Variants in DACH2 observed in about 807,000 individuals in gnomAD.
DACH2 encodes dachshund homolog 2.
A neutral mutation model predicts 35.8 loss-of-function variants in DACH2; 17 were observed. The ratio of observed to expected loss-of-function variants is 0.48; its 90% CI spans 0.33 to 0.71. DACH2 has a LOEUF of 0.71. DACH2 is among the 30% of genes least tolerant of loss of function. DACH2 has a pLI of 0.02. For missense variants in DACH2, 469 were observed against 472.7 expected (o/e 0.99, Z 0.07); for synonymous variants, 195 against 177.3 (o/e 1.10, Z -0.79).
At chrX:86,329,388 T>G (rs925567540) in intron 1 of DACH2, among the ~76,000 whole-genome samples, 1 of 111,002 alleles carries the variant, frequency 9.0e-6, no homozygotes, top group South Asian at 3.8e-4. Flanking sequence ...CTTAACAGCA[T>G]GTAAACAAAG....
At chrX:86,361,205 C>T (rs1224212646) in intron 1 of DACH2, among the ~76,000 whole-genome samples, 2 of 111,141 alleles carry the variant, frequency 1.8e-5, no homozygotes, top group Non-Finnish European at 3.8e-5. Flanking sequence ...AGACCTACTG[C>T]TTATCTTTGT....
intron 2 of DACH2, among the ~76,000 whole-genome samples, chrX:86,397,476 A>C (rs1403527829): frequency 9.0e-6 from 1 of 111,017 alleles, no homozygotes; most frequent in African/African-American, 3.3e-5. Context: ...GCCAGTTTTC[A>C]AAGGGAATGC....
At chrX:86,562,181 T>C (rs1477172377) in intron 3 of DACH2, among the ~76,000 whole-genome samples, 2 of 111,049 alleles carry the variant, frequency 1.8e-5, no homozygotes, top group Admixed American at 9.6e-5. Flanking sequence ...TAGTAACTAT[T>C]GTACTGTGGC....
chrX:86,707,708 A>T (rs2041231693), intron 5 of DACH2, among the ~76,000 whole-genome samples: 1 of 109,340 alleles, frequency 9.1e-6, no homozygotes, highest in Non-Finnish European at 1.9e-5. Context: ...CGAGGTGAAG[A>T]GATCGAGACC....
At chrX:86,765,523 T>C (rs1239355668) in intron 7 of DACH2, among the ~76,000 whole-genome samples, 5 of 110,282 alleles carry the variant, frequency 4.5e-5, no homozygotes, top group African/African-American at 1.6e-4. Flanking sequence ...GTCAATTTTG[T>C]TGAAGATCAG....
At chrX:86,431,530 T>C (rs1002575382) in intron 2 of DACH2, among the ~76,000 whole-genome samples, 4 of 111,511 alleles carry the variant, frequency 3.6e-5, no homozygotes, top group African/African-American at 1.3e-4. Flanking sequence ...TGTGAATGTG[T>C]TGATTGGCAT....
intron 1 of DACH2, among the ~76,000 whole-genome samples, chrX:86,366,884 G>T (rs1056325409): frequency 9.0e-6 from 1 of 110,972 alleles, no homozygotes; most frequent in African/African-American, 3.3e-5. Flanking sequence ...CTCACCAGAA[G>T]CAGATGATGG....
chrX:86,385,654 C>A (rs2036112449), intron 2 of DACH2, among the ~76,000 whole-genome samples: 1 of 110,938 alleles, frequency 9.0e-6, no homozygotes, highest in Non-Finnish European at 1.9e-5. Flanking sequence ...GTCCTGGAAC[C>A]AATCCCCCTG....
intron 2 of DACH2, among the ~76,000 whole-genome samples, chrX:86,399,392 G>A (rs756197668): frequency 9.0e-6 from 1 of 111,492 alleles, no homozygotes; most frequent in East Asian, 2.8e-4. Context: ...TTTAAGGTTA[G>A]TACTGTTATG....
chrX:86,521,801 G>A (rs973633733), intron 3 of DACH2, among the ~76,000 whole-genome samples: 1 of 111,731 alleles, frequency 9.0e-6, no homozygotes, highest in African/African-American at 3.2e-5. Flanking sequence ...TTATTCACCT[G>A]CATTCAAATG....
At position 86,600,858 on chromosome X, in the gene DACH2, T is replaced by G. The variant is rs375009593; in HGVS notation, c.641-50178T>G. Among the ~76,000 whole-genome samples the G allele has an allele frequency of 5.8e-4, 65 of 111,432 alleles. 1 individual carries two copies. In the South Asian group the frequency reaches 0.023, roughly 39 times the overall value. On this transcript the variant is annotated intron_variant, in intron 3 of 11. Transcript: ENST00000373125. ...TATCGTGCACTTCCACTCCTGTGTG[T>G]GCATTCAAGTTCAAGTGGTGGGAAG...
chrX:86,244,572 C>T (rs2033238908), intron 1 of DACH2, among the ~76,000 whole-genome samples: 1 of 111,568 alleles, frequency 9.0e-6, no homozygotes, highest in South Asian at 3.8e-4. Context: ...CACAATTGTA[C>T]CACTGCATTC....
At chrX:86,811,504 G>A (rs1433744430) in intron 7 of DACH2, among the ~76,000 whole-genome samples, 1 of 111,697 alleles carries the variant, frequency 9.0e-6, no homozygotes, top group Non-Finnish European at 1.9e-5. Flanking sequence ...TCTTGAGTGA[G>A]TCTCATTAGA....
intron 2 of DACH2, among the ~76,000 whole-genome samples, chrX:86,456,595 C>T (rs1480181745): frequency 9.0e-6 from 1 of 111,358 alleles, no homozygotes; most frequent in African/African-American, 3.3e-5. Flanking sequence ...TTTGCAAAAA[C>T]TGTTATTCAT....
intron 7 of DACH2, among the ~76,000 whole-genome samples, chrX:86,743,532 A>C (rs780377948): frequency 9.0e-6 from 1 of 111,670 alleles, no homozygotes; most frequent in African/African-American, 3.2e-5. Context: ...TTTTCTATTT[A>C]CTAAAGGTGC....
intron 2 of DACH2, among the ~76,000 whole-genome samples, chrX:86,483,543 T>G (rs983698368): frequency 1.8e-5 from 2 of 111,362 alleles, no homozygotes; most frequent in African/African-American, 6.5e-5. Context: ...TAAGAAAGAC[T>G]TGCCAGGCTG....
At chrX:86,670,311 C>G (rs746970588) in intron 4 of DACH2, among the ~76,000 whole-genome samples, 7 of 111,130 alleles carry the variant, frequency 6.3e-5, no homozygotes, top group Non-Finnish European at 1.1e-4. Context: ...CCATTGCATT[C>G]TATATGTTAT....
intron 1 of DACH2, among the ~76,000 whole-genome samples, chrX:86,334,337 G>C (rs1351290484): frequency 8.9e-6 from 1 of 112,140 alleles, no homozygotes; most frequent in Non-Finnish European, 1.9e-5. Context: ...TTGCCACACT[G>C]TCTTCCATGA....
Position 86,738,837 on chromosome X carries a change from GA to G in DACH2, c.1105-902del, listed in dbSNP as rs199981215. 3.3e-4 allele frequency among the ~76,000 whole-genome samples: 36 copies of G among 110,540 alleles called. No homozygotes were observed. The East Asian group carries it at 7.3e-3, about 23-fold the overall frequency. On this transcript the variant is annotated intron_variant, in intron 6 of 11. Transcript: ENST00000373125. ...CCTTGATAGATCATAGTGTAAGTTTGAAAAAAAACAATAATGGTGTACTGTG... is the reference window on the plus strand; with the variant it reads ...CCTTGATAGATCATAGTGTAAGTTTGAAAAAAACAATAATGGTGTACTGTG...
Sources: gnomAD v4.1 joint callset for allele counts (sites outside exome capture counted in the v4.1 genomes callset) on GRCh38, gnomAD v4.1.1 for gene constraint, MANE v1.5 for transcripts, NCBI Gene and HGNC (gene_info 2026-07-23, HGNC 2026-07-21) for gene names.